The following RPGRIP1L variants were observed in gnomAD, a reference collection of about 807,000 sequenced individuals.
RPGRIP1L encodes protein fantom.
RPGRIP1L carries 131 observed loss-of-function variants against 160.4 expected under a neutral mutation model. The ratio of observed to expected loss-of-function variants is 0.82; its 90% CI spans 0.71 to 0.94. RPGRIP1L has a LOEUF of 0.94. Ranked by LOEUF, RPGRIP1L falls within the 40% of genes least tolerant of loss-of-function variation. RPGRIP1L has a pLI of 0.00. For synonymous variants in RPGRIP1L, 510 were observed against 515.8 expected, an observed-to-expected ratio of 0.99 and a Z score of 0.15; for missense variants, 1,522 against 1,535.8, an observed-to-expected ratio of 0.99 and a Z score of 0.15.
At chr16:53,693,786 C>A (rs979210188) in intron 3 of RPGRIP1L, 1 of 152,130 alleles carries the variant, frequency 6.6e-6, no homozygotes, top group African/African-American at 2.4e-5. Context: ...GGGTCCTAAG[C>A]CCCACCCAAT....
Position 53,674,998 on chromosome 16 carries a change from A to G in RPGRIP1L, c.882+19T>C, listed in dbSNP as rs1969038277. The G allele has an allele frequency of 6.6e-7, 1 of 1,521,276 alleles. No individual in the cohort carries two copies. The highest frequency in any genetic ancestry group is 1.4e-5 in the African/African-American group (1 of 73,144). 94.2% of individuals were successfully genotyped at this position (1,521,276 alleles called of 1,614,324 possible). ...TTTGCATCTCTGTAACATTGTAATA[A>G]AATAAATTATCACTGTACCTCTTGA... On this transcript the variant is annotated intron_variant, in intron 7 of 26. Transcript: ENST00000647211.
At chr16:53,640,228 A>G (rs1467549036) in intron 19 of RPGRIP1L, among the ~76,000 whole-genome samples, 3 of 152,346 alleles carry the variant, frequency 2.0e-5, no homozygotes, top group Admixed American at 2.0e-4. Flanking sequence ...ACAGTGAAAG[A>G]GGCAAAAATT....
intron 9 of RPGRIP1L, among the ~76,000 whole-genome samples, chr16:53,671,259 C>T (rs556889057): frequency 6.6e-6 from 1 of 152,020 alleles, no homozygotes; most frequent in South Asian, 2.1e-4. Context: ...AGTTAGTGTT[C>T]AATAAATGAT....
chr16:53,625,665 G>C (rs1032879262), intron 22 of RPGRIP1L, among the ~76,000 whole-genome samples: 1 of 152,160 alleles, frequency 6.6e-6, no homozygotes, highest in Non-Finnish European at 1.5e-5. Context: ...CATTGAGAAC[G>C]GGCCATGATG....
intron 9 of RPGRIP1L, among the ~76,000 whole-genome samples, chr16:53,667,990 C>T (rs905280789): frequency 2.0e-5 from 3 of 150,834 alleles, no homozygotes; most frequent in South Asian, 2.1e-4. Flanking sequence ...TCCAGGAGGT[C>T]GAGATTGCAG....
At chr16:53,690,536 C>T (rs369372707) in intron 4 of RPGRIP1L, among the ~76,000 whole-genome samples, 2 of 152,264 alleles carry the variant, frequency 1.3e-5, no homozygotes, top group Admixed American at 6.5e-5. Flanking sequence ...CACTACGTCG[C>T]CCAGGCTAGA....
Position 53,692,310 on chromosome 16 carries a change from A to C in RPGRIP1L, c.285T>G (p.Val95=). The C allele has an allele frequency of 1.2e-6, 2 of 1,614,158 alleles. No individual in the cohort carries two copies. The highest frequency in any genetic ancestry group is 1.7e-6 in the Non-Finnish European group (2 of 1,180,028). ...GTCCCAGCCGCTTGGGGCCGCCACCAACCCGCTCATATCTTTTCTTGTCAT... is the reference window on the plus strand; with the variant it reads ...GTCCCAGCCGCTTGGGGCCGCCACCCACCCGCTCATATCTTTTCTTGTCAT... ...LVNDKKRYER[V]GGGPKRLGRD... Residue 95 remains valine, a synonymous_variant, in exon 4 of 27, where the codon GTT becomes GTG. Transcript: ENST00000647211.
intron 25 of RPGRIP1L, among the ~76,000 whole-genome samples, chr16:53,609,320 ACTTCT>A (rs2150932303): frequency 6.6e-6 from 1 of 152,158 alleles, no homozygotes; most frequent in African/African-American, 2.4e-5. Context: ...CCAGTCTCTA[ACTTCT>A]GGGCACCAGG....
intron 26 of RPGRIP1L, 50 bp downstream of exon 26, chr16:53,605,431 G>C: frequency 6.2e-7 from 1 of 1,608,788 alleles, no homozygotes. Flanking sequence ...AAAGAGTTTG[G>C]AGTTCAGCAA....
chr16:53,686,336 T>C, intron 6 of RPGRIP1L, 97 bp downstream of exon 6: 1 of 1,300,206 alleles, frequency 7.7e-7, no homozygotes, highest in South Asian at 1.2e-5. Context: ...AACATGATTT[T>C]TAAATAGACT....
intron 17 of RPGRIP1L, among the ~76,000 whole-genome samples, chr16:53,644,081 C>G (rs1966404895): frequency 6.6e-6 from 1 of 152,082 alleles, no homozygotes; most frequent in African/African-American, 2.4e-5. Flanking sequence ...GTAGTTTTAG[C>G]TGCTCAGGAG....
At position 53,686,516 on chromosome 16, in the gene RPGRIP1L, G is replaced by A. The variant is rs1291079911; in HGVS notation, c.693C>T (p.Ile231=). The change falls in exon 6 of 27, where the codon ATC becomes ATT. Residue 231 remains isoleucine (I), a synonymous_variant. Transcript: ENST00000647211. ...QIEELEHLAE[I]LKTQLRRKEN... ...CTTTTCTCCTCAACTGAGTTTTCAG[G>A]ATCTCAGCCAAGTGCTCTAACTCCT... 1.9e-6 allele frequency: 3 copies of A among 1,613,486 alleles called. No homozygotes were observed. Among genetic ancestry groups the A allele is most frequent in the Non-Finnish European group, 2.5e-6 (3 of 1,179,728 alleles).
At chr16:53,697,708 G>A (rs1970900774) in intron 2 of RPGRIP1L, among the ~76,000 whole-genome samples, 1 of 151,994 alleles carries the variant, frequency 6.6e-6, no homozygotes. Flanking sequence ...ATCTCGGCTC[G>A]CTACAACCTC....
At chr16:53,644,316 A>C (rs983366121) in intron 17 of RPGRIP1L, among the ~76,000 whole-genome samples, 2 of 152,176 alleles carry the variant, frequency 1.3e-5, no homozygotes, top group Non-Finnish European at 2.9e-5. Context: ...AACAAAAATG[A>C]ATAGAGCCTC....
rs80247559 is a variant in RPGRIP1L, at chr16:53,636,729, G to A, written c.3221-217C>T. Among the ~76,000 whole-genome samples, 7,808 of 151,724 alleles carry A rather than the reference G, an allele frequency of 0.051. 406 individuals carry two copies. Among genetic ancestry groups the A allele is most frequent in the East Asian group, 0.31 (1,593 of 5,160 alleles). On this transcript the variant is annotated intron_variant, in intron 21 of 26. Coordinates refer to ENST00000647211, the MANE Select transcript of RPGRIP1L (RefSeq NM_015272.5). ...CAAGGTTAATTTTGGTAGAAGCAAA[G>A]GAAATGCCAATAAAAATACAGCTTA...
chr16:53,673,066 T>G lies in RPGRIP1L; in HGVS notation c.883-50A>C, dbSNP rs140246925. The G allele has an allele frequency of 7.7e-4, 1,149 of 1,490,826 alleles. 6 individuals are homozygous for G. Among genetic ancestry groups the G allele is most frequent in the African/African-American group, 6.4e-3 (463 of 72,676 alleles). The allele number at this position is 1,490,826 out of a possible 1,614,324, so 92.3% of individuals were successfully genotyped here. A position where few individuals can be genotyped will look rare whatever the true frequency, so the allele number is the denominator to read the frequency against. The stretch of plus-strand genomic sequence containing the variant: ...CAAACATTATTTTTGACTAAATGAT[T>G]AAATTTGACTAAATGATTTGACTAA... On this transcript the variant is annotated intron_variant, in intron 7 of 26. Coordinates refer to ENST00000647211, the MANE Select transcript of RPGRIP1L (RefSeq NM_015272.5).
chr16:53,606,034 A>T (rs1325600206), intron 25 of RPGRIP1L, among the ~76,000 whole-genome samples: 2 of 152,132 alleles, frequency 1.3e-5, no homozygotes, highest in African/African-American at 4.8e-5. Flanking sequence ...GAAACACACA[A>T]CTCTGGAGTT....
intron 17 of RPGRIP1L, among the ~76,000 whole-genome samples, chr16:53,643,616 C>T (rs938812885): frequency 6.6e-6 from 1 of 152,108 alleles, no homozygotes; most frequent in Non-Finnish European, 1.5e-5. Flanking sequence ...TGACTGACCA[C>T]TAAGCTATGC....
intron 6 of RPGRIP1L, among the ~76,000 whole-genome samples, chr16:53,683,195 C>T (rs547147859): frequency 7.3e-5 from 11 of 151,574 alleles, no homozygotes; most frequent in Non-Finnish European, 4.4e-5. Flanking sequence ...AAATGAAAAG[C>T]CAGAAAATCT....
Sources: allele counts gnomAD v4.1 joint callset (sites outside exome capture counted in the v4.1 genomes callset), GRCh38; gene constraint gnomAD v4.1.1; transcripts MANE v1.5; gene names NCBI Gene and HGNC (gene_info 2026-07-23, HGNC 2026-07-21).